EFCAB5: variants seen among roughly 807,000 people sequenced by gnomAD.
EFCAB5 encodes the protein EF-hand calcium-binding domain-containing protein 5.
EFCAB5 carries 131 observed loss-of-function variants against 167.9 expected under a neutral mutation model. The observed-to-expected ratio is 0.78, with a 90% CI of 0.68 to 0.90. The LOEUF is 0.90. Ranked by LOEUF, EFCAB5 falls within the 40% of genes least tolerant of loss-of-function variation. The pLI, the probability that EFCAB5 is intolerant of heterozygous loss-of-function variation, is 0.00. For missense variants in EFCAB5, 1,663 were observed against 1,745.2 expected (o/e 0.95, Z 0.84); for synonymous variants, 574 against 602.8 (o/e 0.95, Z 0.70).
At chr17:29,964,970 C>T (rs1351327204) in intron 3 of EFCAB5, among the ~76,000 whole-genome samples, 9 of 151,526 alleles carry the variant, frequency 5.9e-5, no homozygotes, top group South Asian at 2.1e-4. Flanking sequence ...GGCCTGATCT[C>T]GGCTCACTGC....
At chr17:30,049,811 A>G (rs1884913255) in intron 8 of EFCAB5, among the ~76,000 whole-genome samples, 1 of 152,220 alleles carries the variant, frequency 6.6e-6, no homozygotes, top group South Asian at 2.1e-4. Flanking sequence ...ATTTGGCTAT[A>G]ACTAATAAAG....
chr17:30,066,680 A>G (rs1189763024), intron 14 of EFCAB5, among the ~76,000 whole-genome samples: 1 of 152,162 alleles, frequency 6.6e-6, no homozygotes, highest in Admixed American at 6.5e-5. Context: ...CAAAGCACAA[A>G]TAAATACAAT....
chr17:29,933,254 C>T (rs2067217472), intron 1 of EFCAB5, among the ~76,000 whole-genome samples: 1 of 152,278 alleles, frequency 6.6e-6, no homozygotes, highest in South Asian at 2.1e-4. Flanking sequence ...TCTATAGAAA[C>T]AAAGGAGAGA....
intron 1 of EFCAB5, chr17:29,930,283 C>G (rs1477006153): frequency 2.1e-6 from 1 of 477,192 alleles, no homozygotes; most frequent in Non-Finnish European, 3.7e-6. Context: ...CCCCTCGGCG[C>G]GCGCCGCCGC....
At chr17:30,052,788 T>C (rs895410065) in intron 9 of EFCAB5, among the ~76,000 whole-genome samples, 2 of 152,138 alleles carry the variant, frequency 1.3e-5, no homozygotes, top group Admixed American at 6.5e-5. Flanking sequence ...GGGAAAGAGA[T>C]AGGGGGAAGA....
At chr17:29,951,205 T>C (rs925174263) in intron 3 of EFCAB5, among the ~76,000 whole-genome samples, 6 of 152,246 alleles carry the variant, frequency 3.9e-5, no homozygotes, top group African/African-American at 2.4e-5. Flanking sequence ...ATTTAAGACA[T>C]TCTGTAGATG....
chr17:30,068,771 A>G, intron 14 of EFCAB5: 3 of 1,376,586 alleles, frequency 2.2e-6, no homozygotes, highest in Non-Finnish European at 3.1e-6. Context: ...CCCAAGGGCA[A>G]CTTCTCCAGC....
intron 7 of EFCAB5, among the ~76,000 whole-genome samples, chr17:30,011,647 A>T (rs1463806159): frequency 6.6e-6 from 1 of 152,072 alleles, no homozygotes; most frequent in Non-Finnish European, 1.5e-5. Flanking sequence ...ATTTTTGCAG[A>T]TTGATTTTTG....
Position 30,053,313 on chromosome 17 carries a change from TCA to T in EFCAB5, c.1360_1361del (p.Gln454GlufsTer5). 6.2e-7 allele frequency: 1 copy of T among 1,613,724 alleles called. No individual in the cohort carries two copies. The highest frequency in any genetic ancestry group is 1.7e-5 in the Admixed American group (1 of 59,976). ...LTELWGDMDNQKHIYEGFDKV... is the reference protein window; with the variant it reads ...LTELWGDMDNXKHIYEGFDKV... ...CTGAGTTGTGGGGAGACATGGATAA[TCA>T]GAAACACATTTATGAAGGTTTTGAC... On this transcript the variant is annotated frameshift_variant, in exon 10 of 23. Coordinates refer to ENST00000394835, the MANE Select transcript of EFCAB5 (RefSeq NM_198529.4). LOFTEE classifies it high-confidence loss of function.
chr17:29,951,525 A>G (rs200417277), intron 3 of EFCAB5, among the ~76,000 whole-genome samples: 1 of 119,482 alleles, frequency 8.4e-6, no homozygotes, highest in East Asian at 2.6e-4. Flanking sequence ...TTTTTTTTTT[A>G]TTTTTTTTTT....
In EFCAB5 at chr17:29,943,634, G is replaced by A. The variant is rs1322429771; in HGVS notation, c.175G>A (p.Glu59Lys). 1.3e-6 allele frequency: 2 copies of A among 1,578,482 alleles called. No individual in the cohort carries two copies. Among genetic ancestry groups the A allele is most frequent in the Admixed American group, 3.7e-5 (2 of 54,714 alleles). Residue 59 changes from glutamate to lysine, a missense_variant, in exon 3 of 23, where the codon GAA becomes AAA. By Grantham distance (56) the Glu-to-Lys change is moderately conservative. Transcript: ENST00000394835. ...TNSVVEKAMD[E>K]IKSQELNLEG... The stretch of plus-strand genomic sequence containing the variant: ...CAGTGTGGTGGAGAAAGCAATGGAT[G>A]AAATCAAATCCCAAGGTAGAGAACT...
intron 22 of EFCAB5, among the ~76,000 whole-genome samples, chr17:30,099,721 C>T (rs571602496): frequency 1.3e-5 from 2 of 152,260 alleles, no homozygotes; most frequent in Admixed American, 6.5e-5. Context: ...CACAAAGGTG[C>T]TCTGCTGAGG....
chr17:30,014,388 T>A (rs957290846), intron 7 of EFCAB5, among the ~76,000 whole-genome samples: 1 of 152,198 alleles, frequency 6.6e-6, no homozygotes, highest in Non-Finnish European at 1.5e-5. Context: ...CTGTCTAATA[T>A]TGACAGTGGG....
chr17:30,061,776 C>T (rs2070432583), intron 14 of EFCAB5, among the ~76,000 whole-genome samples: 1 of 152,168 alleles, frequency 6.6e-6, no homozygotes, highest in Non-Finnish European at 1.5e-5. Context: ...CTATGTTGCC[C>T]AGGCTAGTCT....
intron 3 of EFCAB5, among the ~76,000 whole-genome samples, chr17:29,960,416 C>G (rs978505658): frequency 1.3e-5 from 2 of 152,140 alleles, no homozygotes; most frequent in East Asian, 3.9e-4. Context: ...TGCTCTGCCT[C>G]TCTCAAAATT....
chr17:30,048,695 C>T (rs2069998443), intron 8 of EFCAB5, among the ~76,000 whole-genome samples: 1 of 152,020 alleles, frequency 6.6e-6, no homozygotes, highest in Non-Finnish European at 1.5e-5. Flanking sequence ...ACTGTGTTGG[C>T]CAGGCTGCTC....
At chr17:30,078,584 C>CA (rs2070918554) in intron 15 of EFCAB5, 80 bp downstream of exon 15, 1 of 1,402,816 alleles carries the variant, frequency 7.1e-7, no homozygotes, top group African/African-American at 1.5e-5. Flanking sequence ...AGAGGAGCAT[C>CA]TTGAATTCTC....
Position 30,080,834 on chromosome 17 carries a change from C to T in EFCAB5, c.3279C>T (p.Ser1093=), listed in dbSNP as rs761719230. ...YHGNIFFWNQ[S]RNKHDYNGSF... The stretch of plus-strand genomic sequence containing the variant: ...GGAACATCTTCTTCTGGAACCAGTC[C>T]CGTAATAAGCATGATTATAATGGTT... Residue 1093 remains serine (S), a synonymous_variant, in exon 17 of 23, where the codon TCC becomes TCT. Transcript: ENST00000394835. 3.7e-6 allele frequency: 6 copies of T among 1,613,620 alleles called. 1 individual carries two copies. Among genetic ancestry groups the T allele is most frequent in the Admixed American group, 3.3e-5 (2 of 59,950 alleles).
chr17:30,087,000 C>T, intron 18 of EFCAB5, 63 bp from the exon 19 acceptor site: 1 of 1,461,822 alleles, frequency 6.8e-7, no homozygotes, highest in Non-Finnish European at 9.4e-7. Context: ...TATCTGTCCC[C>T]AAAAGCTTTA....
Sources: gnomAD v4.1 joint callset for allele counts (sites outside exome capture counted in the v4.1 genomes callset) on GRCh38, gnomAD v4.1.1 for gene constraint, MANE v1.5 for transcripts, NCBI Gene and HGNC (gene_info 2026-07-23, HGNC 2026-07-21) for gene names.